LEKR1: variants seen among roughly 807,000 people sequenced by gnomAD.
LEKR1 encodes the protein leucine, glutamate and lysine rich 1.
Under a neutral mutation model 72.4 loss-of-function variants are expected in LEKR1, and 59 were observed. The ratio of observed to expected loss-of-function variants is 0.82; its 90% CI spans 0.66 to 1.01. The LOEUF (loss-of-function observed/expected upper bound fraction) is 1.01, where lower values mean the gene tolerates loss of function less well. Ranked by LOEUF, LEKR1 falls within the 50% of genes least tolerant of loss-of-function variation. LEKR1 has a pLI of 0.00. For missense variants in LEKR1, 728 were observed against 759.2 expected, an observed-to-expected ratio of 0.96 and a Z score of 0.48; for synonymous variants, 257 against 263.2, an observed-to-expected ratio of 0.98 and a Z score of 0.23.
At chr3:157,007,308 G>T (rs1292952753) in intron 9 of LEKR1, among the ~76,000 whole-genome samples, 2 of 152,196 alleles carry the variant, frequency 1.3e-5, no homozygotes, top group Non-Finnish European at 2.9e-5. Context: ...GGTGTCCCAA[G>T]GGCAAAACCT....
In LEKR1 at chr3:156,920,625, A is replaced by C; in HGVS notation, c.314A>C (p.Lys105Thr). The C allele has an allele frequency of 6.8e-7, 1 of 1,464,216 alleles. No individual in the cohort carries two copies. The highest frequency in any genetic ancestry group is 9.2e-7 in the Non-Finnish European group (1 of 1,087,732). The allele number at this position is 1,464,216 out of a possible 1,614,324, so 90.7% of individuals were successfully genotyped here. The change falls in exon 4 of 13, where the codon AAA becomes ACA. Residue 105 changes from lysine (K) to threonine (T), a missense_variant. Transcript: ENST00000356539. Reference sequence around the variant, plus strand: ...AAAAGTCAACAAAATGAATTTCAGAAAGTAAAGAAACAACTGAGTCATTTG... The same window carrying C: ...AAAAGTCAACAAAATGAATTTCAGACAGTAAAGAAACAACTGAGTCATTTG... ...QLKSQQNEFQ[K>T]VKKQLSHLQD...
intron 9 of LEKR1, among the ~76,000 whole-genome samples, chr3:157,010,343 G>T (rs1732788456): frequency 6.6e-6 from 1 of 152,050 alleles, no homozygotes; most frequent in African/African-American, 2.4e-5. Context: ...GTAAAAGAGA[G>T]AGAAGAAAAT....
intron 2 of LEKR1, among the ~76,000 whole-genome samples, chr3:156,849,285 A>G (rs990801939): frequency 6.6e-6 from 1 of 152,252 alleles, no homozygotes; most frequent in Non-Finnish European, 1.5e-5. Flanking sequence ...AGAACATTTC[A>G]TGCTCATGGG....
rs1334465120 is a variant in LEKR1 at position 157,046,109 on chromosome 3, A to G, written c.*359A>G. On this transcript the variant is annotated 3_prime_UTR_variant, in exon 13 of 13. Transcript: ENST00000356539. ...CTACAAGCAGATATATTTCCACAAA[A>G]AAATAGATTGTTTGAGATTTGTTGG... is the stretch of plus-strand genomic sequence containing the variant. 1 of 188,484 alleles carries G rather than the reference A, an allele frequency of 5.3e-6. No individual in the cohort carries two copies. Among genetic ancestry groups the G allele is most frequent in the African/African-American group, 2.4e-5 (1 of 42,492 alleles). 11.7% of individuals were successfully genotyped at this position (188,484 alleles called of 1,614,324 possible). A position where few individuals can be genotyped will look rare whatever the true frequency, so the allele number is the denominator to read the frequency against.
At chr3:156,975,709 CTCTT>C (rs1448582885) in intron 6 of LEKR1, among the ~76,000 whole-genome samples, 10 of 152,292 alleles carry the variant, frequency 6.6e-5, no homozygotes, top group African/African-American at 2.2e-4. Context: ...AGGTTAAGAA[CTCTT>C]TCTGTCTTGT....
chr3:156,931,539 A>C (rs1012521428), intron 5 of LEKR1, among the ~76,000 whole-genome samples: 3 of 152,222 alleles, frequency 2.0e-5, no homozygotes, highest in Non-Finnish European at 4.4e-5. Context: ...AGATACTTAT[A>C]TGAGAATATT....
Position 157,028,263 on chromosome 3 carries a change from G to A in LEKR1, c.1529G>A (p.Arg510His), listed in dbSNP as rs775199223. ...LKNLVAEFES[R>H]LKKEIDSNDS... ...AATTTGGTTGCAGAATTTGAATCTC[G>A]CTTGAAGAAGGAAATTGACAGTAAT... The change falls in exon 12 of 13, where the codon CGC becomes CAC. Residue 510 changes from arginine to histidine, a missense_variant. Arg to His is a conservative substitution (Grantham distance 29). Transcript: ENST00000356539. 16 of 1,613,538 alleles carry A rather than the reference G, an allele frequency of 9.9e-6. No individual in the cohort carries two copies. The highest frequency in any genetic ancestry group is 1.7e-4 in the Middle Eastern group (1 of 6,054).
intron 2 of LEKR1, among the ~76,000 whole-genome samples, chr3:156,835,690 G>A (rs1210572748): frequency 1.3e-5 from 2 of 151,936 alleles, no homozygotes; most frequent in Non-Finnish European, 1.5e-5. Context: ...TCAATTGTAA[G>A]CATCTGCCAT....
In LEKR1 at chr3:157,030,472, T is replaced by A. The variant is rs114911627; in HGVS notation, c.1668+2070T>A. Among the ~76,000 whole-genome samples, 662 of 152,244 alleles carry A rather than the reference T, an allele frequency of 4.3e-3. 2 individuals carry two copies. Among genetic ancestry groups the A allele is most frequent in the African/African-American group, 0.015 (639 of 41,536 alleles). The stretch of plus-strand genomic sequence containing the variant: ...AGAAGAATTTAAAGAAAACTTTGCA[T>A]GAGTAATTAAATTAATATCCAAAGG... On this transcript the variant is annotated intron_variant, in intron 12 of 12. Coordinates refer to ENST00000356539, the MANE Select transcript of LEKR1 (RefSeq NM_001004316.3).
At chr3:156,907,993 A>G (rs570066510) in intron 3 of LEKR1, among the ~76,000 whole-genome samples, 238 of 152,110 alleles carry the variant, frequency 1.6e-3, no homozygotes, top group Middle Eastern at 3.4e-3. Flanking sequence ...TTTATTTTGT[A>G]GAATATCCCT....
At chr3:156,887,107 G>A (rs1720181986) in intron 3 of LEKR1, among the ~76,000 whole-genome samples, 1 of 151,894 alleles carries the variant, frequency 6.6e-6, no homozygotes, top group South Asian at 2.1e-4. Context: ...ATTCCTTTAG[G>A]GATTTTGTAA....
chr3:156,851,038 A>G (rs558284062), intron 2 of LEKR1: 1 of 152,310 alleles, frequency 6.6e-6, no homozygotes, highest in South Asian at 2.1e-4. Flanking sequence ...TAGTAATGAG[A>G]TATTAGAATG....
intron 9 of LEKR1, among the ~76,000 whole-genome samples, chr3:156,998,866 A>G (rs1229260379): frequency 6.6e-6 from 1 of 151,742 alleles, no homozygotes; most frequent in African/African-American, 2.4e-5. Flanking sequence ...AAAGCTATGA[A>G]CCCTCACTGA....
At chr3:156,954,078 T>C (rs1320272007) in intron 6 of LEKR1, among the ~76,000 whole-genome samples, 1 of 152,070 alleles carries the variant, frequency 6.6e-6, no homozygotes, top group African/African-American at 2.4e-5. Flanking sequence ...TAAGATGGTA[T>C]CTTATTGTGG....
chr3:156,929,483 A>G (rs1725009602), intron 5 of LEKR1, among the ~76,000 whole-genome samples: 1 of 152,186 alleles, frequency 6.6e-6, no homozygotes, highest in Non-Finnish European at 1.5e-5. Flanking sequence ...TGAAGTCAGA[A>G]TGAGACAATA....
At chr3:156,932,501 T>C (rs993902491) in intron 5 of LEKR1, among the ~76,000 whole-genome samples, 34 of 152,014 alleles carry the variant, frequency 2.2e-4, no homozygotes, top group African/African-American at 7.5e-4. Context: ...TAGCTTGAGC[T>C]CAAGAGTTTG....
At chr3:157,039,963 G>C (rs1017173253) in intron 12 of LEKR1, among the ~76,000 whole-genome samples, 1 of 152,282 alleles carries the variant, frequency 6.6e-6, no homozygotes, top group African/African-American at 2.4e-5. Context: ...CCAACCTCCA[G>C]CAGGAAACAT....
intron 2 of LEKR1, among the ~76,000 whole-genome samples, chr3:156,834,285 T>A (rs1712821977): frequency 6.6e-6 from 1 of 152,202 alleles, no homozygotes; most frequent in African/African-American, 2.4e-5. Flanking sequence ...ATAGAAAAAC[T>A]AAATAATCCC....
chr3:157,020,817 T>C lies in LEKR1; in HGVS notation c.1204-3943T>C, dbSNP rs548324819. Among the ~76,000 whole-genome samples, 385 of 152,190 alleles carry C rather than the reference T, an allele frequency of 2.5e-3. 4 individuals carry two copies. The highest frequency in any genetic ancestry group is 8.7e-3 in the African/African-American group (363 of 41,526). On this transcript the variant is annotated intron_variant, in intron 10 of 12. Coordinates refer to ENST00000356539, the MANE Select transcript of LEKR1 (RefSeq NM_001004316.3). ...CCAGTAATGGGATTGCTGGGTCAAA[T>C]GGTATTTCTAGTTCTAGATCCCTGA...
Sources: gnomAD v4.1 joint callset for allele counts (sites outside exome capture counted in the v4.1 genomes callset) on GRCh38, gnomAD v4.1.1 for gene constraint, MANE v1.5 for transcripts, NCBI Gene and HGNC (gene_info 2026-07-23, HGNC 2026-07-21) for gene names.